The following SPATS2 variants were observed in gnomAD, a reference collection of about 807,000 sequenced individuals.
SPATS2 encodes the protein spermatogenesis-associated serine-rich protein 2.
SPATS2 carries 38 observed loss-of-function variants against 63.7 expected under a neutral mutation model. That is an observed-to-expected ratio of 0.60 (90% CI 0.46 to 0.78). SPATS2 has a LOEUF of 0.78. Ranked by LOEUF, SPATS2 falls within the 30% of genes least tolerant of loss-of-function variation. SPATS2 has a pLI of 0.00. For missense variants in SPATS2, 588 were observed against 666.2 expected (o/e 0.88, Z 1.29); for synonymous variants, 207 against 232.9 (o/e 0.89, Z 1.01).
rs869230532 is a variant in SPATS2, at chr12:49,516,166, AATAT to A, written c.898+1593_898+1596del. Among the ~76,000 whole-genome samples, 203 of 30,770 alleles carry A rather than the reference AATAT, an allele frequency of 6.6e-3. 2 individuals carry two copies. The highest frequency in any genetic ancestry group is 6.7e-3 in the Admixed American group (10 of 1,498). 20.2% of individuals were successfully genotyped at this position (30,770 alleles called of 152,430 possible). On this transcript the variant is annotated intron_variant, in intron 10 of 13. Transcript: ENST00000552918. Reference sequence around the variant, plus strand: ...AAAAAAAAAAAAAAAAAAAAAAAAAAATATATATATATATATATATATATATATA... The same window carrying A: ...AAAAAAAAAAAAAAAAAAAAAAAAAAATATATATATATATATATATATATA...
rs186612393 is a variant in SPATS2 at position 49,397,521 on chromosome 12, A to C, written c.-244+26231A>C. Among the ~76,000 whole-genome samples, 765 of 152,250 alleles carry C rather than the reference A, an allele frequency of 5.0e-3. 26 individuals carry two copies. Among genetic ancestry groups the C allele is most frequent in the Admixed American group, 0.046 (702 of 15,276 alleles). On this transcript the variant is annotated intron_variant, in intron 2 of 13. Coordinates refer to ENST00000552918, the MANE Select transcript of SPATS2 (RefSeq NM_023071.4). ...CTAGTATAGAATCTGGCATATTATA[A>C]GTGCTCAATAAATATTTACTGGCTG...
At chr12:49,496,615 C>T (rs533830195) in intron 7 of SPATS2, among the ~76,000 whole-genome samples, 5 of 152,338 alleles carry the variant, frequency 3.3e-5, no homozygotes, top group Non-Finnish European at 5.9e-5. Flanking sequence ...AGACTCTTCT[C>T]TTCATTCCGG....
At chr12:49,499,390 GGTT>G (rs1310971559) in intron 8 of SPATS2, among the ~76,000 whole-genome samples, 2 of 132,626 alleles carry the variant, frequency 1.5e-5, no homozygotes, top group African/African-American at 2.8e-5. Context: ...TGTTCTGCCT[GGTT>G]GTTTTGTTTT....
intron 1 of SPATS2, among the ~76,000 whole-genome samples, chr12:49,368,265 C>A (rs556280228): frequency 6.6e-6 from 1 of 152,284 alleles, no homozygotes; most frequent in South Asian, 2.1e-4. Context: ...ACAAGCCGTT[C>A]TTTAAATAAT....
At chr12:49,440,020 T>C (rs2137545360) in intron 2 of SPATS2, among the ~76,000 whole-genome samples, 1 of 152,338 alleles carries the variant, frequency 6.6e-6, no homozygotes, top group Non-Finnish European at 1.5e-5. Flanking sequence ...AATTTCAAAC[T>C]TACTGAAAAG....
At chr12:49,367,676 AG>A (rs1365626358) in intron 1 of SPATS2, 89 bp downstream of exon 1, 5 of 30,308 alleles carry the variant, frequency 1.6e-4, no homozygotes, top group East Asian at 4.5e-4. Context: ...AAAAAGAGGG[AG>A]GGGGTAGTTG....
At chr12:49,389,249 T>A (rs1439518510) in intron 2 of SPATS2, among the ~76,000 whole-genome samples, 1 of 152,128 alleles carries the variant, frequency 6.6e-6, no homozygotes, top group Non-Finnish European at 1.5e-5. Context: ...AGGAAGGAAA[T>A]CTCGCAAGGC....
intron 13 of SPATS2, among the ~76,000 whole-genome samples, chr12:49,525,458 G>A (rs78756228): frequency 0.014 from 2,154 of 152,276 alleles, 47 homozygotes; most frequent in African/African-American, 0.047. Flanking sequence ...ATCCCATACC[G>A]TAAGCTTTCC....
intron 3 of SPATS2, among the ~76,000 whole-genome samples, chr12:49,467,850 G>C (rs1052183002): frequency 2.0e-5 from 3 of 151,214 alleles, no homozygotes; most frequent in Non-Finnish European, 3.0e-5. Context: ...TCTCCTGCCT[G>C]AGCCTCCTGA....
At chr12:49,427,300 T>C (rs1945097965) in intron 2 of SPATS2, among the ~76,000 whole-genome samples, 1 of 152,224 alleles carries the variant, frequency 6.6e-6, no homozygotes, top group Non-Finnish European at 1.5e-5. Context: ...AAAAGAATCT[T>C]ATGTTGTATG....
intron 2 of SPATS2, among the ~76,000 whole-genome samples, chr12:49,440,620 C>T (rs1291225606): frequency 1.3e-5 from 2 of 152,076 alleles, no homozygotes; most frequent in African/African-American, 4.8e-5. Flanking sequence ...AGGCGCACAC[C>T]ACCACGGCCA....
chr12:49,501,171 GCCAGTCTTGAACTACTGGGCT>G (rs1800394393), intron 9 of SPATS2, among the ~76,000 whole-genome samples: 1 of 152,104 alleles, frequency 6.6e-6, no homozygotes, highest in African/African-American at 2.4e-5. Flanking sequence ...TGTTGCCCAG[GCCAGTCTTGAACTACTGGGCT>G]CAAGTGATCT....
At chr12:49,387,424 G>A (rs557342779) in intron 2 of SPATS2, among the ~76,000 whole-genome samples, 1 of 151,894 alleles carries the variant, frequency 6.6e-6, no homozygotes, top group African/African-American at 2.4e-5. Context: ...ATCGCCTGGG[G>A]TTAGGAGTTT....
chr12:49,458,596 A>G (rs561522349), intron 2 of SPATS2, among the ~76,000 whole-genome samples: 109 of 152,276 alleles, frequency 7.2e-4, no homozygotes, highest in Non-Finnish European at 3.8e-4. Flanking sequence ...CCTGGCCAAC[A>G]TGGTGAACCC....
intron 2 of SPATS2, chr12:49,389,743 T>C: frequency 6.5e-6 from 10 of 1,534,290 alleles, no homozygotes; most frequent in Non-Finnish European, 9.0e-6. Context: ...AACAGACAAA[T>C]CAGAGAATTG....
At chr12:49,477,930 G>C (rs1375302457) in intron 3 of SPATS2, among the ~76,000 whole-genome samples, 1 of 148,770 alleles carries the variant, frequency 6.7e-6, no homozygotes, top group African/African-American at 2.5e-5. Flanking sequence ...AAAGTTAGTG[G>C]CATCTTTAGT....
chr12:49,382,285 T>G (rs1423646141), intron 2 of SPATS2, among the ~76,000 whole-genome samples: 1 of 152,236 alleles, frequency 6.6e-6, no homozygotes, highest in African/African-American at 2.4e-5. Flanking sequence ...AAAAATGCAC[T>G]TAAAAATTTT....
Position 49,367,508 on chromosome 12 carries a change from T to C in SPATS2, c.-386T>C. The C allele has an allele frequency of 2.5e-6, 1 of 398,330 alleles. No homozygotes were observed. Among genetic ancestry groups the C allele is most frequent in the Non-Finnish European group, 4.4e-6 (1 of 226,544 alleles). The allele number at this position is 398,330 out of a possible 1,614,324, so 24.7% of individuals were successfully genotyped here. A position where few individuals can be genotyped will look rare whatever the true frequency, so the allele number is the denominator to read the frequency against. ...AGAAGGGGAGGTGGAGGATCTCCTT[T>C]CCTCTTCTCAGACCCGGGAGCGTCC... On this transcript the variant is annotated 5_prime_UTR_variant, in exon 1 of 14. Coordinates refer to ENST00000552918, the MANE Select transcript of SPATS2 (RefSeq NM_023071.4).
chr12:49,367,152 C>T (rs1943910266), upstream of SPATS2: 1 of 160,416 alleles, frequency 6.2e-6, no homozygotes, highest in Non-Finnish European at 1.4e-5. Flanking sequence ...CCCCGATCTT[C>T]TCGGTCTCCG....
Sources: allele counts gnomAD v4.1 joint callset (sites outside exome capture counted in the v4.1 genomes callset), GRCh38; gene constraint gnomAD v4.1.1; transcripts MANE v1.5; gene names NCBI Gene and HGNC (gene_info 2026-07-23, HGNC 2026-07-21).